The following ZNF700 variants were observed in gnomAD, a reference collection of about 807,000 sequenced individuals.
ZNF700 encodes the protein zinc finger protein 700.
ZNF700 carries 38 observed loss-of-function variants against 65.3 expected under a neutral mutation model. That is an observed-to-expected ratio of 0.58 (90% CI 0.45 to 0.76). The LOEUF (loss-of-function observed/expected upper bound fraction) is 0.76. Among genes scored for constraint, ZNF700 ranks in the 30% least tolerant of loss-of-function variants. ZNF700 has a pLI of 0.00. For missense variants in ZNF700, 857 were observed against 888.4 expected (o/e 0.96, Z 0.45); for synonymous variants, 285 against 290.4 (o/e 0.98, Z 0.19).
In ZNF700 at chr19:11,947,392, A is replaced by G. The variant is rs1047002535; in HGVS notation, c.190+85A>G. 2.5e-6 allele frequency: 4 copies of G among 1,606,696 alleles called. No homozygotes were observed. The African/African-American group carries it at 4.0e-5, about 16-fold the overall frequency. On this transcript the variant is annotated intron_variant, in intron 2 of 3. Coordinates refer to ENST00000254321, the MANE Select transcript of ZNF700 (RefSeq NM_144566.3). ...AATGCTGTTGAGTGATTTTGAACAT[A>G]GACAGGAAATACCTTGATGAATAAA...
rs372679548 is a variant in ZNF700 at position 11,947,351 on chromosome 19, G to T, written c.190+44G>T. Reference sequence around the variant, plus strand: ...CTTCCGTCAGTGCATTAGCAAACCAGTGTTTCTAGCTCATGAATGCTGTTG... The same window carrying T: ...CTTCCGTCAGTGCATTAGCAAACCATTGTTTCTAGCTCATGAATGCTGTTG... On this transcript the variant is annotated intron_variant, in intron 2 of 3. Transcript: ENST00000254321. 5 of 1,611,728 alleles carry T rather than the reference G, an allele frequency of 3.1e-6. No individual in the cohort carries two copies. In the African/African-American group the frequency reaches 6.7e-5, roughly 22 times the overall value.
At chr19:11,942,373 T>C (rs565543798) in intron 1 of ZNF700, among the ~76,000 whole-genome samples, 24 of 152,074 alleles carry the variant, frequency 1.6e-4, no homozygotes, top group South Asian at 4.2e-4. Context: ...TATTAATTCA[T>C]AGGACTCCGT....
intron 1 of ZNF700, among the ~76,000 whole-genome samples, chr19:11,936,555 T>G (rs959225215): frequency 1.3e-5 from 2 of 152,168 alleles, no homozygotes; most frequent in African/African-American, 4.8e-5. Flanking sequence ...TTCTTGTAAG[T>G]TTGTTTGAGT....
chr19:11,944,474 T>C (rs1378275338), intron 1 of ZNF700, among the ~76,000 whole-genome samples: 4 of 152,170 alleles, frequency 2.6e-5, no homozygotes, highest in Admixed American at 6.5e-5. Context: ...CCCCAATACC[T>C]TTGCTGTCTT....
rs1470417189 is a variant in ZNF700, at chr19:11,936,156, A to C, written c.63+10883A>C. Among the ~76,000 whole-genome samples the C allele has an allele frequency of 4.6e-5, 7 of 151,896 alleles. No individual in the cohort carries two copies. In the East Asian group the frequency reaches 1.4e-3, roughly 29 times the overall value. On this transcript the variant is annotated intron_variant, in intron 1 of 3. Coordinates refer to ENST00000254321, the MANE Select transcript of ZNF700 (RefSeq NM_144566.3). ...AAGTCTTTGCTATTGTGAATAGTGAATATTGCTTTATAGTAGCATAATTTA... is the reference window on the plus strand; with the variant it reads ...AAGTCTTTGCTATTGTGAATAGTGACTATTGCTTTATAGTAGCATAATTTA...
Position 11,949,060 on chromosome 19 carries a change from C to T in ZNF700, c.1036C>T (p.Leu346Phe), listed in dbSNP as rs1379240682. Reference protein sequence around the residue: ...CKQYGEGLSYLISFQTHIRMN... With the variant: ...CKQYGEGLSYFISFQTHIRMN... ...GCAATATGGGGAAGGCTTATCCTAT[C>T]TTATAAGTTTTCAAACACACATAAG... Residue 346 changes from leucine (L) to phenylalanine (F), a missense_variant, in exon 4 of 4, where the codon CTT becomes TTT. By Grantham distance (22) the Leu-to-Phe change is conservative. Around this residue, in one of 3 missense-constraint regions of ZNF700, gnomAD observed 603 missense variants for 619.9 expected, o/e 0.97. Transcript: ENST00000254321. 2 of 1,609,024 alleles carry T rather than the reference C, an allele frequency of 1.2e-6. No homozygotes were observed. The highest frequency in any genetic ancestry group is 1.3e-5 in the African/African-American group (1 of 74,420).
At chr19:11,943,368 AT>A (rs1972914053) in intron 1 of ZNF700, among the ~76,000 whole-genome samples, 1 of 152,128 alleles carries the variant, frequency 6.6e-6, no homozygotes, top group Admixed American at 6.5e-5. Context: ...GATAGATAGC[AT>A]TTTTCATCTG....
rs181089881 is a variant in ZNF700 at position 11,931,046 on chromosome 19, T to G, written c.63+5773T>G. Among the ~76,000 whole-genome samples the G allele has an allele frequency of 1.1e-3, 163 of 147,970 alleles. 7 individuals are homozygous for G. The East Asian group carries it at 0.028, about 26-fold the overall frequency. ...GATGCCCTCGTTTCACAATTTGCTGTTTTCCATTGGTCTATCTTTCCATCT... is the reference window on the plus strand; with the variant it reads ...GATGCCCTCGTTTCACAATTTGCTGGTTTCCATTGGTCTATCTTTCCATCT... On this transcript the variant is annotated intron_variant, in intron 1 of 3. Coordinates refer to ENST00000254321, the MANE Select transcript of ZNF700 (RefSeq NM_144566.3).
intron 3 of ZNF700, among the ~76,000 whole-genome samples, chr19:11,947,879 G>T (rs924231852): frequency 6.6e-6 from 1 of 152,030 alleles, no homozygotes; most frequent in Non-Finnish European, 1.5e-5. Context: ...TGGTGTGTAT[G>T]CATCGGTAGT....
intron 1 of ZNF700, among the ~76,000 whole-genome samples, chr19:11,935,803 A>C (rs1427310186): frequency 6.6e-6 from 1 of 152,062 alleles, no homozygotes; most frequent in Non-Finnish European, 1.5e-5. Context: ...GGTTTGTTGC[A>C]CCCATCAACT....
chr19:11,945,763 T>C (rs1339713855), intron 1 of ZNF700, among the ~76,000 whole-genome samples: 1 of 151,964 alleles, frequency 6.6e-6, no homozygotes, highest in African/African-American at 2.4e-5. Flanking sequence ...CCGGGTAACT[T>C]TAGCTGTAAA....
At position 11,948,466 on chromosome 19, in the gene ZNF700, G is replaced by A. The variant is rs1316546309; in HGVS notation, c.442G>A (p.Asp148Asn). Reference sequence around the variant, plus strand: ...ATCTTTTAATATGAGCATCAGAGGTGACACTGGACACAAGGCATATGAGTA... The same window carrying A: ...ATCTTTTAATATGAGCATCAGAGGTAACACTGGACACAAGGCATATGAGTA... ...NSSFNMSIRG[D>N]TGHKAYEYQE... Residue 148 changes from aspartate to asparagine, a missense_variant, in exon 4 of 4, where the codon GAC becomes AAC. Transcript: ENST00000254321. The A allele has an allele frequency of 1.2e-6, 2 of 1,614,108 alleles. No individual in the cohort carries two copies. Among genetic ancestry groups the A allele is most frequent in the Admixed American group, 3.3e-5 (2 of 60,018 alleles).
intron 1 of ZNF700, among the ~76,000 whole-genome samples, chr19:11,927,304 G>A (rs1456451404): frequency 1.3e-5 from 2 of 151,928 alleles, no homozygotes; most frequent in African/African-American, 2.4e-5. Flanking sequence ...CAGCCCAGCC[G>A]AGGATGTACC....
chr19:11,925,927 G>A (rs150881145), intron 1 of ZNF700, among the ~76,000 whole-genome samples: 1,917 of 152,296 alleles, frequency 0.013, 23 homozygotes, highest in South Asian at 0.024. Flanking sequence ...GAATTGCAGG[G>A]AAAATGATGA....
In ZNF700 at chr19:11,925,188, T is replaced by C. The variant is rs375357375; in HGVS notation, c.-23T>C. ...GGGACCTGGTGCCTGTACCCAGGCT[T>C]CTGTCGCTCTGTCGCCTGCGCTATG... On this transcript the variant is annotated 5_prime_UTR_variant, in exon 1 of 4. Coordinates refer to ENST00000254321, the MANE Select transcript of ZNF700 (RefSeq NM_144566.3). 22 of 1,611,226 alleles carry C rather than the reference T, an allele frequency of 1.4e-5. No homozygotes were observed. Among genetic ancestry groups the C allele is most frequent in the Non-Finnish European group, 1.7e-5 (20 of 1,178,184 alleles).
chr19:11,943,695 G>A (rs1242845190), intron 1 of ZNF700, among the ~76,000 whole-genome samples: 1 of 152,158 alleles, frequency 6.6e-6, no homozygotes. Context: ...ATAATAACTA[G>A]AAAACCGAAA....
rs1455807547 is a variant in ZNF700 at position 11,947,636 on chromosome 19, G to A, written c.251+62G>A. 3 of 1,423,004 alleles carry A rather than the reference G, an allele frequency of 2.1e-6. No individual in the cohort carries two copies. The Admixed American group carries it at 6.2e-5, about 29-fold the overall frequency. The allele number at this position is 1,423,004 out of a possible 1,614,324, so 88.1% of individuals were successfully genotyped here. The stretch of plus-strand genomic sequence containing the variant: ...GCACAATCTTAGAATATGAGAATAT[G>A]TTGAAGAGAAGTAAAACAAAGAACT... On this transcript the variant is annotated intron_variant, in intron 3 of 3. Transcript: ENST00000254321.
chr19:11,925,297 G>C (rs577519086), intron 1 of ZNF700, 24 bp downstream of exon 1: 2 of 1,609,752 alleles, frequency 1.2e-6, no homozygotes, highest in South Asian at 2.2e-5. Context: ...ACCAGATGTC[G>C]TGAGACGGGG....
Position 11,949,988 on chromosome 19 carries a change from A to G in ZNF700, c.1964A>G (p.Lys655Arg), listed in dbSNP as rs370045988. 12 of 1,614,084 alleles carry G rather than the reference A, an allele frequency of 7.4e-6. No homozygotes were observed. Among genetic ancestry groups the G allele is most frequent in the Non-Finnish European group, 1.0e-5 (12 of 1,179,998 alleles). ...CCCTATGAATGTAAGGAATGCGAAA[A>G]AGCATTCTGTAAATTCTCTTCTTTT... Reference protein sequence around the residue: ...EKPYECKECEKAFCKFSSFQI... With the variant: ...EKPYECKECERAFCKFSSFQI... The change falls in exon 4 of 4, where the codon AAA becomes AGA. Residue 655 changes from lysine (K) to arginine (R), a missense_variant. By Grantham distance (26) the Lys-to-Arg change is conservative (BLOSUM62 2). Transcript: ENST00000254321.
Sources: allele counts gnomAD v4.1 joint callset (sites outside exome capture counted in the v4.1 genomes callset), GRCh38; gene constraint gnomAD v4.1.1; regional missense constraint gnomAD v4.1.1; transcripts MANE v1.5; gene names NCBI Gene and HGNC (gene_info 2026-07-23, HGNC 2026-07-21).